CRTC3: variants seen among roughly 807,000 people sequenced by gnomAD.
CRTC3 encodes the protein CREB regulated transcription coactivator 3.
In CRTC3, 26 loss-of-function variants were observed where a neutral mutation model predicts 74.5. The ratio of observed to expected loss-of-function variants is 0.35; its 90% CI spans 0.26 to 0.48. The LOEUF (loss-of-function observed/expected upper bound fraction) is 0.48. Ranked by LOEUF, CRTC3 falls within the 20% of genes least tolerant of loss-of-function variation. The pLI is 0.99. For synonymous variants in CRTC3, 377 were observed against 325.8 expected, an observed-to-expected ratio of 1.16 and a Z score of -1.69; for missense variants, 760 against 787.3, an observed-to-expected ratio of 0.97 and a Z score of 0.41.
intron 11 of CRTC3, among the ~76,000 whole-genome samples, chr15:90,636,302 G>A (rs1200117773): frequency 6.6e-6 from 1 of 151,094 alleles, no homozygotes; most frequent in Non-Finnish European, 1.5e-5. Context: ...AACAAGAAAT[G>A]GGGAAAGGAT....
intron 3 of CRTC3, chr15:90,596,167 G>A (rs1967921283): frequency 1.3e-5 from 2 of 152,252 alleles, no homozygotes; most frequent in Non-Finnish European, 2.9e-5. Flanking sequence ...ATGAATAAGG[G>A]AGGCATACTT....
chr15:90,532,779 A>T, intron 1 of CRTC3, among the ~76,000 whole-genome samples: 1 of 152,116 alleles, frequency 6.6e-6, no homozygotes, highest in East Asian at 1.9e-4. Flanking sequence ...TGGTACCTGG[A>T]ATGGTAAAGA....
At chr15:90,626,378 T>A (rs1049659258) in intron 10 of CRTC3, among the ~76,000 whole-genome samples, 3 of 152,224 alleles carry the variant, frequency 2.0e-5, no homozygotes, top group African/African-American at 7.2e-5. Context: ...TTCCATTAGA[T>A]TTCTAAAGGC....
intron 6 of CRTC3, 130 bp from the exon 7 acceptor site, chr15:90,614,323 G>C (rs1968435032): frequency 1.6e-6 from 1 of 616,194 alleles, no homozygotes. Flanking sequence ...ATGAAAATCA[G>C]TGTATCAAAA....
chr15:90,623,945 C>T (rs1436356954), intron 9 of CRTC3, among the ~76,000 whole-genome samples: 2 of 152,206 alleles, frequency 1.3e-5, no homozygotes, highest in African/African-American at 4.8e-5. Context: ...CTGACTAGAT[C>T]ACCTGAGTTC....
chr15:90,535,073 A>G (rs1470245127), intron 1 of CRTC3, among the ~76,000 whole-genome samples: 3 of 151,998 alleles, frequency 2.0e-5, no homozygotes, highest in African/African-American at 7.3e-5. Flanking sequence ...AGGCAAGAGA[A>G]TCGCTTGAAC....
rs529756836 is a variant in CRTC3, at chr15:90,643,206, C to T, written c.*1066C>T. The T allele has an allele frequency of 2.6e-5, 6 of 232,494 alleles. No homozygotes were observed. The highest frequency in any genetic ancestry group is 1.1e-4 in the African/African-American group (5 of 45,424). The allele number at this position is 232,494 out of a possible 1,614,324, so 14.4% of individuals were successfully genotyped here. On this transcript the variant is annotated 3_prime_UTR_variant, in exon 15 of 15. Transcript: ENST00000268184. ...CTGGAGTGAGTGCTGCAGAACCGTGCGTGCAGCGCATGATGAATGAGTGCG... is the reference window on the plus strand; with the variant it reads ...CTGGAGTGAGTGCTGCAGAACCGTGTGTGCAGCGCATGATGAATGAGTGCG...
At chr15:90,589,103 CT>C (rs1179148399) in intron 2 of CRTC3, among the ~76,000 whole-genome samples, 1 of 152,172 alleles carries the variant, frequency 6.6e-6, no homozygotes, top group Non-Finnish European at 1.5e-5. Context: ...GTCACCCAGG[CT>C]GGAGTGCAGT....
At chr15:90,581,412 A>G (rs1349344037) in intron 2 of CRTC3, among the ~76,000 whole-genome samples, 1 of 152,122 alleles carries the variant, frequency 6.6e-6, no homozygotes, top group African/African-American at 2.4e-5. Context: ...TTTCTCTTAT[A>G]CTTTCCTAGT....
intron 6 of CRTC3, among the ~76,000 whole-genome samples, chr15:90,610,447 A>G (rs1968330751): frequency 1.3e-5 from 2 of 152,260 alleles, no homozygotes; most frequent in Admixed American, 6.5e-5. Context: ...GCAATAAACT[A>G]TGATACATTC....
intron 11 of CRTC3, among the ~76,000 whole-genome samples, chr15:90,636,000 C>T (rs1438007867): frequency 6.6e-6 from 1 of 152,088 alleles, no homozygotes; most frequent in Admixed American, 6.5e-5. Context: ...TTTATAGATT[C>T]AATGCCATCC....
At chr15:90,549,820 A>C (rs2151060782) in intron 2 of CRTC3, among the ~76,000 whole-genome samples, 1 of 149,976 alleles carries the variant, frequency 6.7e-6, no homozygotes, top group South Asian at 2.1e-4. Context: ...CTGCTGCCTC[A>C]GCCTCCTGAG....
chr15:90,604,463 C>T lies in CRTC3; in HGVS notation c.476+16C>T. 6.3e-7 allele frequency: 1 copy of T among 1,597,248 alleles called. No homozygotes were observed. The highest frequency in any genetic ancestry group is 1.7e-5 in the Admixed American group (1 of 59,936). ...CACTTAACAGGTACATGGGTTGTTTCCTGGTAGGAGTAGATTTTAAAGCAA... is the reference window on the plus strand; with the variant it reads ...CACTTAACAGGTACATGGGTTGTTTTCTGGTAGGAGTAGATTTTAAAGCAA... On this transcript the variant is annotated intron_variant, in intron 5 of 14. Coordinates refer to ENST00000268184, the MANE Select transcript of CRTC3 (RefSeq NM_022769.5).
chr15:90,541,233 G>C (rs999881380), intron 2 of CRTC3, among the ~76,000 whole-genome samples: 1 of 152,186 alleles, frequency 6.6e-6, no homozygotes, highest in Non-Finnish European at 1.5e-5. Context: ...TGTTAAAGTT[G>C]AGATATAAAC....
At chr15:90,623,891 C>T (rs1024042602) in intron 9 of CRTC3, among the ~76,000 whole-genome samples, 3 of 152,214 alleles carry the variant, frequency 2.0e-5, no homozygotes, top group African/African-American at 7.2e-5. Context: ...TCTCACACCT[C>T]CCTGCTTTTG....
At chr15:90,630,399 A>C (rs891151344) in intron 11 of CRTC3, among the ~76,000 whole-genome samples, 14 of 152,314 alleles carry the variant, frequency 9.2e-5, no homozygotes, top group Middle Eastern at 3.4e-3. Flanking sequence ...TCTTATAAGG[A>C]TGAAAAGAAG....
intron 1 of CRTC3, among the ~76,000 whole-genome samples, chr15:90,533,652 G>A (rs1056860092): frequency 6.6e-6 from 1 of 152,164 alleles, no homozygotes; most frequent in African/African-American, 2.4e-5. Context: ...TGTGCCAGGG[G>A]TTAGGATGGA....
rs140406112 is a variant in CRTC3 at position 90,637,553 on chromosome 15, A to G, written c.1267-893A>G. Among the ~76,000 whole-genome samples, 1,271 of 152,136 alleles carry G rather than the reference A, an allele frequency of 8.4e-3. 21 individuals are homozygous for G. Among genetic ancestry groups the G allele is most frequent in the African/African-American group, 0.029 (1,210 of 41,522 alleles). The stretch of plus-strand genomic sequence containing the variant: ...ATGTACCCTAGAACTTAAAAAAATA[A>G]AATATTAAAGAAAAAGAAATTTCTT... On this transcript the variant is annotated intron_variant, in intron 11 of 14. Coordinates refer to ENST00000268184, the MANE Select transcript of CRTC3 (RefSeq NM_022769.5).
chr15:90,566,655 G>A (rs934599165), intron 2 of CRTC3, among the ~76,000 whole-genome samples: 1 of 151,676 alleles, frequency 6.6e-6, no homozygotes, highest in African/African-American at 2.4e-5. Flanking sequence ...CAGAAGATCT[G>A]GCTGAGGTCA....
Sources: allele counts gnomAD v4.1 joint callset (sites outside exome capture counted in the v4.1 genomes callset), GRCh38; gene constraint gnomAD v4.1.1; transcripts MANE v1.5; gene names NCBI Gene and HGNC (gene_info 2026-07-23, HGNC 2026-07-21).